MACROD2: variants seen among roughly 807,000 people sequenced by gnomAD.
MACROD2 encodes the protein ADP-ribose glycohydrolase MACROD2.
In MACROD2, 36 loss-of-function variants were observed where a neutral mutation model predicts 70.4. That is an observed-to-expected ratio of 0.51 (90% CI 0.39 to 0.68). MACROD2 has a LOEUF of 0.68. Ranked by LOEUF, MACROD2 falls within the 30% of genes least tolerant of loss-of-function variation. MACROD2 has a pLI of 0.00. For synonymous variants in MACROD2, 172 were observed against 178.8 expected (o/e 0.96, Z 0.30); for missense variants, 496 against 538.4 (o/e 0.92, Z 0.78).
intron 5 of MACROD2, among the ~76,000 whole-genome samples, chr20:14,789,460 ATTTTT>A (rs3045609): frequency 1.2e-3 from 59 of 48,346 alleles, no homozygotes; most frequent in African/African-American, 4.0e-3. Flanking sequence ...GGTAGTGCAA[ATTTTT>A]TTTTTTTTTT....
intron 5 of MACROD2, among the ~76,000 whole-genome samples, chr20:15,083,443 A>G: frequency 6.6e-6 from 1 of 152,184 alleles, no homozygotes; most frequent in East Asian, 1.9e-4. Flanking sequence ...CTAAAAGTAA[A>G]TTATACTCTT....
chr20:14,183,333 A>G (rs6074702), intron 3 of MACROD2, among the ~76,000 whole-genome samples: 82,068 of 151,412 alleles, frequency 0.54, 23,388 homozygotes, highest in Non-Finnish European at 0.62. Context: ...CTTTAGCTCC[A>G]TCTATGTCCT....
At chr20:14,840,560 C>G (rs1188632370) in intron 5 of MACROD2, among the ~76,000 whole-genome samples, 2 of 151,922 alleles carry the variant, frequency 1.3e-5, no homozygotes, top group Non-Finnish European at 2.9e-5. Context: ...GGAGGGTTTT[C>G]CTCTGTAGGT....
intron 3 of MACROD2, among the ~76,000 whole-genome samples, chr20:14,298,962 T>C (rs142522323): frequency 0.012 from 1,755 of 152,312 alleles, 32 homozygotes; most frequent in African/African-American, 0.04. Context: ...TGAGATAGAA[T>C]CTACTCCTGG....
chr20:15,127,525 GA>G (rs2076075619), intron 5 of MACROD2, among the ~76,000 whole-genome samples: 2 of 152,032 alleles, frequency 1.3e-5, no homozygotes, highest in South Asian at 4.1e-4. Flanking sequence ...TTAACCTGTT[GA>G]TGCAGCAGTC....
At chr20:14,694,102 C>T (rs1232292583) in intron 5 of MACROD2, among the ~76,000 whole-genome samples, 1 of 151,996 alleles carries the variant, frequency 6.6e-6, no homozygotes, top group Non-Finnish European at 1.5e-5. Flanking sequence ...AGCAAAGAAC[C>T]TCAGATAATG....
chr20:14,530,806 C>CATACGTAACAG (rs2085294051), intron 4 of MACROD2, among the ~76,000 whole-genome samples: 1 of 152,010 alleles, frequency 6.6e-6, no homozygotes, highest in Non-Finnish European at 1.5e-5. Flanking sequence ...AACAGAATGG[C>CATACGTAACAG]AATTAATTAT....
At chr20:15,581,188 G>A (rs1383738343) in intron 8 of MACROD2, among the ~76,000 whole-genome samples, 5 of 152,092 alleles carry the variant, frequency 3.3e-5, no homozygotes, top group African/African-American at 4.8e-5. Flanking sequence ...TTTTCAGTTC[G>A]GAAGGTGGAA....
At chr20:14,292,428 G>A (rs1013165059) in intron 3 of MACROD2, among the ~76,000 whole-genome samples, 23 of 151,872 alleles carry the variant, frequency 1.5e-4, no homozygotes, top group Non-Finnish European at 2.6e-4. Flanking sequence ...CTACAACAAA[G>A]AATTATGCAG....
intron 3 of MACROD2, among the ~76,000 whole-genome samples, chr20:14,279,170 A>C (rs1177128712): frequency 6.6e-6 from 1 of 152,196 alleles, no homozygotes; most frequent in African/African-American, 2.4e-5. Flanking sequence ...AAGAAATAAC[A>C]TTTTTGGAGT....
intron 5 of MACROD2, among the ~76,000 whole-genome samples, chr20:15,135,892 A>G (rs552409766): frequency 6.6e-6 from 1 of 151,962 alleles, no homozygotes; most frequent in African/African-American, 2.4e-5. Context: ...TCAATGTACC[A>G]AAATCACAAG....
chr20:14,119,561 T>C (rs903389349), intron 3 of MACROD2, among the ~76,000 whole-genome samples: 4 of 152,144 alleles, frequency 2.6e-5, no homozygotes, highest in Non-Finnish European at 5.9e-5. Flanking sequence ...CTAAAAAAAA[T>C]CCTAAACAAG....
At chr20:14,525,633 A>G (rs773822531) in intron 4 of MACROD2, among the ~76,000 whole-genome samples, 89 of 152,342 alleles carry the variant, frequency 5.8e-4, no homozygotes, top group African/African-American at 2.0e-3. Context: ...GCCATATTTT[A>G]CCATGTGTTA....
rs79825610 is a variant in MACROD2, at chr20:14,222,714, G to A, written c.271+136986G>A. On this transcript the variant is annotated intron_variant, in intron 3 of 17. Transcript: ENST00000684519. ...AAAGGTGGATATTATTGTTAGATGC[G>A]ATTATTGTTAGATGCTACTTTCTGA... Among the ~76,000 whole-genome samples, 1,101 of 150,292 alleles carry A rather than the reference G, an allele frequency of 7.3e-3. 16 individuals carry two copies. Among genetic ancestry groups the A allele is most frequent in the African/African-American group, 0.026 (1,054 of 40,796 alleles).
At chr20:15,517,689 A>G (rs1214054471) in intron 8 of MACROD2, among the ~76,000 whole-genome samples, 1 of 152,222 alleles carries the variant, frequency 6.6e-6, no homozygotes, top group Admixed American at 6.5e-5. Flanking sequence ...CAGAGGTGAC[A>G]AGAAGCCTGA....
chr20:14,700,563 G>C (rs1400158726), intron 5 of MACROD2, among the ~76,000 whole-genome samples: 1 of 149,794 alleles, frequency 6.7e-6, no homozygotes, highest in East Asian at 2.0e-4. Context: ...GTGTGTAATA[G>C]ATGTGCCAGA....
At chr20:14,986,747 T>C (rs2074852464) in intron 5 of MACROD2, among the ~76,000 whole-genome samples, 1 of 152,182 alleles carries the variant, frequency 6.6e-6, no homozygotes, top group Non-Finnish European at 1.5e-5. Context: ...TGATCAGGGC[T>C]CACCCTGGCA....
At chr20:15,106,083 C>A (rs2075908705) in intron 5 of MACROD2, among the ~76,000 whole-genome samples, 1 of 152,108 alleles carries the variant, frequency 6.6e-6, no homozygotes, top group African/African-American at 2.4e-5. Context: ...CCCATAAATA[C>A]ATACAACTAT....
At chr20:15,010,628 ATGTT>A (rs2075075412) in intron 5 of MACROD2, among the ~76,000 whole-genome samples, 1 of 152,218 alleles carries the variant, frequency 6.6e-6, no homozygotes, top group Admixed American at 6.5e-5. Flanking sequence ...TCTTAAAACT[ATGTT>A]TGTTCCTATT....
Sources: allele counts gnomAD v4.1 joint callset (sites outside exome capture counted in the v4.1 genomes callset), GRCh38; gene constraint gnomAD v4.1.1; transcripts MANE v1.5; gene names NCBI Gene and HGNC (gene_info 2026-07-23, HGNC 2026-07-21).